Variants in IL1RAPL1 observed in about 807,000 individuals in gnomAD.
The protein encoded by IL1RAPL1 is interleukin-1 receptor accessory protein-like 1.
Under a neutral mutation model 48.4 loss-of-function variants are expected in IL1RAPL1, and 3 were observed. That is an observed-to-expected ratio of 0.06 (90% CI 0.03 to 0.16). IL1RAPL1 has a LOEUF of 0.16. Among genes scored for constraint, IL1RAPL1 ranks in the 10% least tolerant of loss-of-function variants. IL1RAPL1 has a pLI of 1.00. For synonymous variants in IL1RAPL1, 185 were observed against 187.7 expected (o/e 0.99, Z 0.12); for missense variants, 349 against 530.6 (o/e 0.66, Z 3.36).
chrX:29,398,919 T>C (rs956232943), intron 4 of IL1RAPL1, among the ~76,000 whole-genome samples: 1 of 112,215 alleles, frequency 8.9e-6, no homozygotes, highest in Non-Finnish European at 1.9e-5. Context: ...AATCTTCAGA[T>C]TGAAGTATTC....
chrX:29,412,171 T>C (rs1231810620), intron 5 of IL1RAPL1, among the ~76,000 whole-genome samples: 1 of 111,009 alleles, frequency 9.0e-6, no homozygotes, highest in Non-Finnish European at 1.9e-5. Flanking sequence ...CTCAGGAGGC[T>C]GAGGCAGGAG....
rs1934108812 is a variant in IL1RAPL1, at chrX:29,409,063, C to CA, written c.703+9761dup. Among the ~76,000 whole-genome samples the CA allele has an allele frequency of 2.7e-5, 3 of 111,743 alleles. No individual in the cohort carries two copies. The Admixed American group carries it at 2.9e-4, about 11-fold the overall frequency. The stretch of plus-strand genomic sequence containing the variant: ...TGCTTCTTTTTCTTCCTATTTCTTT[C>CA]AAAAAATTGCGTATTTTATTTCTCC... On this transcript the variant is annotated intron_variant, in intron 5 of 10. Transcript: ENST00000378993.
intron 1 of IL1RAPL1, among the ~76,000 whole-genome samples, chrX:28,590,331 T>C (rs1470549516): frequency 9.0e-6 from 1 of 111,668 alleles, no homozygotes; most frequent in Non-Finnish European, 1.9e-5. Flanking sequence ...GATGAGATGA[T>C]TTTTTTCTGT....
chrX:28,705,565 G>A (rs763199536), intron 1 of IL1RAPL1, among the ~76,000 whole-genome samples: 2 of 111,804 alleles, frequency 1.8e-5, no homozygotes, highest in Non-Finnish European at 3.8e-5. Flanking sequence ...TGTGAATTAG[G>A]CACCATAATA....
chrX:29,330,847 T>C (rs1002783288), intron 3 of IL1RAPL1, among the ~76,000 whole-genome samples: 2 of 111,592 alleles, frequency 1.8e-5, no homozygotes, highest in African/African-American at 6.5e-5. Context: ...TGAAATACAT[T>C]TGTGAGTGAA....
chrX:28,798,683 A>G (rs148701861), intron 2 of IL1RAPL1, among the ~76,000 whole-genome samples: 2,825 of 112,302 alleles, frequency 0.025, 38 homozygotes, highest in Non-Finnish European at 0.036. Flanking sequence ...AATGCGTTGA[A>G]GACTAGAGCA....
chrX:29,323,789 T>C (rs1932826062), intron 3 of IL1RAPL1, among the ~76,000 whole-genome samples: 2 of 62,987 alleles, frequency 3.2e-5, no homozygotes, highest in African/African-American at 6.4e-5. Flanking sequence ...ATATATCCCC[T>C]TCTTCTTTAG....
intron 5 of IL1RAPL1, among the ~76,000 whole-genome samples, chrX:29,515,126 C>A (rs1378288656): frequency 8.9e-6 from 1 of 112,242 alleles, no homozygotes; most frequent in African/African-American, 3.2e-5. Context: ...ACAGTAGCAG[C>A]AGAATTATTG....
intron 5 of IL1RAPL1, among the ~76,000 whole-genome samples, chrX:29,527,324 CTCT>C (rs1190597150): frequency 4.2e-5 from 1 of 24,069 alleles, no homozygotes; most frequent in Non-Finnish European, 7.8e-5. Flanking sequence ...TAGGGAAGGA[CTCT>C]TTTTTTTTTT....
rs773297359 is a variant in IL1RAPL1, at chrX:29,346,667, C to T, written c.363-49591C>T. ...AAATAAAACCCAAAAATAATTTCCA[C>T]GAGGAAAGGAGTTTCAAGCAGATAA... On this transcript the variant is annotated intron_variant, in intron 3 of 10. Coordinates refer to ENST00000378993, the MANE Select transcript of IL1RAPL1 (RefSeq NM_014271.4). Among the ~76,000 whole-genome samples, 19 of 112,219 alleles carry T rather than the reference C, an allele frequency of 1.7e-4. No individual in the cohort carries two copies. In the South Asian group the frequency reaches 6.6e-3, roughly 39 times the overall value.
In IL1RAPL1 at chrX:28,731,317, T is replaced by C. The variant is rs142504226; in HGVS notation, c.-24-58003T>C. ...TGAACTGTGTTGGTAGGCCTGGGTGTGGTAAATTAAGTGGCTTGTATTAAA... is the reference window on the plus strand; with the variant it reads ...TGAACTGTGTTGGTAGGCCTGGGTGCGGTAAATTAAGTGGCTTGTATTAAA... On this transcript the variant is annotated intron_variant, in intron 1 of 10. Coordinates refer to ENST00000378993, the MANE Select transcript of IL1RAPL1 (RefSeq NM_014271.4). Among the ~76,000 whole-genome samples the C allele has an allele frequency of 4.3e-3, 483 of 111,675 alleles. 2 individuals are homozygous for C. The highest frequency in any genetic ancestry group is 7.4e-3 in the Non-Finnish European group (393 of 53,100).
At chrX:29,318,961 T>C (rs1199203067) in intron 3 of IL1RAPL1, among the ~76,000 whole-genome samples, 3 of 111,919 alleles carry the variant, frequency 2.7e-5, no homozygotes, top group Non-Finnish European at 5.6e-5. Flanking sequence ...AGTATTTTGG[T>C]CATCTTTTAT....
intron 2 of IL1RAPL1, among the ~76,000 whole-genome samples, chrX:29,230,504 C>CAAAAAAAAAAAAAAAA (rs60539139): frequency 0.016 from 265 of 16,584 alleles, 71 homozygotes; most frequent in African/African-American, 0.053. Flanking sequence ...GTCCCTTTAC[C>CAAAAAAAAAAAAAAAA]AAAAAAAAAA....
intron 2 of IL1RAPL1, among the ~76,000 whole-genome samples, chrX:29,239,732 T>C (rs1931371833): frequency 1.8e-5 from 2 of 110,988 alleles, no homozygotes; most frequent in Non-Finnish European, 3.8e-5. Context: ...TTTTGCAATT[T>C]TTTTTAGCTC....
At position 29,781,679 on chromosome X, in the gene IL1RAPL1, C is replaced by T. The variant is rs184421930; in HGVS notation, c.778+113175C>T. 5.4e-5 allele frequency among the ~76,000 whole-genome samples: 6 copies of T among 111,971 alleles called. No individual in the cohort carries two copies. The East Asian group carries it at 1.4e-3, about 26-fold the overall frequency. ...TCGAACTTCAACATCCTTAAAATCA[C>T]TTGAAAACTGACTGCTGCTGGTGTA... is the stretch of plus-strand genomic sequence containing the variant. On this transcript the variant is annotated intron_variant, in intron 6 of 10. Transcript: ENST00000378993.
intron 2 of IL1RAPL1, among the ~76,000 whole-genome samples, chrX:29,064,658 G>A (rs1393544008): frequency 9.0e-6 from 1 of 110,586 alleles, no homozygotes; most frequent in Non-Finnish European, 1.9e-5. Context: ...CTCGGCTCAC[G>A]GCAACCTCCA....
At chrX:29,319,725 C>G (rs976566953) in intron 3 of IL1RAPL1, among the ~76,000 whole-genome samples, 2 of 110,284 alleles carry the variant, frequency 1.8e-5, no homozygotes, top group African/African-American at 6.6e-5. Context: ...TGGGTGTTCC[C>G]ATTCATTGCA....
chrX:29,423,887 A>G (rs1569308375), intron 5 of IL1RAPL1, among the ~76,000 whole-genome samples: 2 of 111,518 alleles, frequency 1.8e-5, no homozygotes, highest in South Asian at 3.7e-4. Flanking sequence ...GTGTAGATGT[A>G]CTAAATTCAT....
intron 5 of IL1RAPL1, among the ~76,000 whole-genome samples, chrX:29,569,385 C>G (rs1479884924): frequency 9.0e-6 from 1 of 111,062 alleles, no homozygotes; most frequent in Non-Finnish European, 1.9e-5. Flanking sequence ...GTCCACATGG[C>G]TAGAACATAA....
Sources: gnomAD v4.1 joint callset for allele counts (sites outside exome capture counted in the v4.1 genomes callset) on GRCh38, gnomAD v4.1.1 for gene constraint, MANE v1.5 for transcripts, NCBI Gene and HGNC (gene_info 2026-07-23, HGNC 2026-07-21) for gene names.